The following UNC13C variants were observed in gnomAD, a reference collection of about 807,000 sequenced individuals.
The protein encoded by UNC13C is unc-13 homolog C.
Under a neutral mutation model 245.4 loss-of-function variants are expected in UNC13C, and 174 were observed. That is an observed-to-expected ratio of 0.71 (90% CI 0.63 to 0.80). The LOEUF (loss-of-function observed/expected upper bound fraction) is 0.80, where lower values mean the gene tolerates loss of function less well. UNC13C is among the 30% of genes least tolerant of loss of function. UNC13C has a pLI of 0.00. For missense variants in UNC13C, 2,829 were observed against 2,602.9 expected, an observed-to-expected ratio of 1.09 and a Z score of -1.89; for synonymous variants, 992 against 895.1, an observed-to-expected ratio of 1.11 and a Z score of -1.93.
intron 26 of UNC13C, among the ~76,000 whole-genome samples, chr15:54,545,521 A>G (rs1896445297): frequency 6.6e-6 from 1 of 152,206 alleles, no homozygotes; most frequent in South Asian, 2.1e-4. Flanking sequence ...AATCTACAGA[A>G]TGGGAGAAAA....
At chr15:54,255,244 G>T (rs1353941833) in intron 8 of UNC13C, among the ~76,000 whole-genome samples, 1 of 152,132 alleles carries the variant, frequency 6.6e-6, no homozygotes, top group African/African-American at 2.4e-5. Context: ...TGTATCCCAG[G>T]GTTCTTGCTT....
chr15:54,515,304 A>C (rs1276267780), intron 24 of UNC13C, among the ~76,000 whole-genome samples: 1 of 152,190 alleles, frequency 6.6e-6, no homozygotes, highest in Non-Finnish European at 1.5e-5. Context: ...TCCCTTTATA[A>C]CACAATAACA....
chr15:54,013,522 T>A lies in UNC13C; in HGVS notation c.619T>A (p.Trp207Arg). 1 of 1,613,866 alleles carries A rather than the reference T, an allele frequency of 6.2e-7. No homozygotes were observed. The highest frequency in any genetic ancestry group is 8.5e-7 in the Non-Finnish European group (1 of 1,179,842). Residue 207 changes from tryptophan to arginine, a missense_variant, in exon 2 of 33, where the codon TGG becomes AGG. Coordinates refer to ENST00000260323, the MANE Select transcript of UNC13C (RefSeq NM_001080534.3). Reference sequence around the variant, plus strand: ...AGAGTTAAGCACCATGAAAAAATCCTGGGGAATAAGAAGTAAGTCTTTGGA... The same window carrying A: ...AGAGTTAAGCACCATGAAAAAATCCAGGGGAATAAGAAGTAAGTCTTTGGA... ...DSELSTMKKS[W>R]GIRSKSLDRT...
intron 1 of UNC13C, among the ~76,000 whole-genome samples, chr15:53,982,076 A>G (rs1298699612): frequency 3.3e-5 from 5 of 152,152 alleles, no homozygotes; most frequent in Non-Finnish European, 5.9e-5. Context: ...TTGTACTCAG[A>G]GATTTCGAAG....
intron 23 of UNC13C, among the ~76,000 whole-genome samples, chr15:54,510,363 G>A (rs979955642): frequency 2.6e-5 from 4 of 152,050 alleles, no homozygotes; most frequent in Non-Finnish European, 5.9e-5. Flanking sequence ...GTGGATTTTG[G>A]TTCAAGATGC....
chr15:54,630,997 T>C (rs1444446900), downstream of UNC13C: 1 of 152,110 alleles, frequency 6.6e-6, no homozygotes, highest in Non-Finnish European at 1.5e-5. Flanking sequence ...AGCATATTTA[T>C]TAAAAAGTAT....
At chr15:53,874,173 G>A in the UNC13C span, among the ~76,000 whole-genome samples, 1 of 151,878 alleles carries the variant, frequency 6.6e-6, no homozygotes, top group Non-Finnish European at 1.5e-5. Context: ...ACAGGGTTTT[G>A]CCATGTTGTC....
At chr15:54,247,337 T>G (rs1047357190) in intron 7 of UNC13C, among the ~76,000 whole-genome samples, 1 of 152,166 alleles carries the variant, frequency 6.6e-6, no homozygotes, top group African/African-American at 2.4e-5. Context: ...CCTCTTATAG[T>G]CTTATTTCAT....
chr15:54,197,732 C>A (rs2141339095), intron 4 of UNC13C, among the ~76,000 whole-genome samples: 1 of 152,172 alleles, frequency 6.6e-6, no homozygotes, highest in Non-Finnish European at 1.5e-5. Context: ...AGCTCCTGCT[C>A]AGACAGAGAG....
At chr15:54,560,060 T>TA (rs961006319) in intron 29 of UNC13C, among the ~76,000 whole-genome samples, 2 of 151,866 alleles carry the variant, frequency 1.3e-5, no homozygotes, top group African/African-American at 4.8e-5. Flanking sequence ...AAATAATTTC[T>TA]AAAAAAAGAA....
At chr15:54,568,347 C>T (rs761321789) in intron 30 of UNC13C, among the ~76,000 whole-genome samples, 5 of 152,016 alleles carry the variant, frequency 3.3e-5, no homozygotes, top group African/African-American at 4.8e-5. Context: ...ATCCTAATTT[C>T]GAATGTAAAA....
intron 19 of UNC13C, among the ~76,000 whole-genome samples, chr15:54,488,600 A>G (rs2141077641): frequency 6.6e-6 from 1 of 152,314 alleles, no homozygotes; most frequent in Non-Finnish European, 1.5e-5. Context: ...CTATACAGAA[A>G]AAAACTCATG....
intron 19 of UNC13C, among the ~76,000 whole-genome samples, chr15:54,442,281 C>T (rs1301593087): frequency 7.7e-5 from 11 of 142,256 alleles, no homozygotes; most frequent in African/African-American, 2.9e-4. Context: ...GACAGGATCT[C>T]ACTCTGTTGC....
chr15:54,518,528 A>G (rs1033722389), intron 24 of UNC13C, among the ~76,000 whole-genome samples: 3 of 152,228 alleles, frequency 2.0e-5, no homozygotes, highest in African/African-American at 7.2e-5. Flanking sequence ...CTATTTCATT[A>G]TCTTGTTGTG....
At chr15:54,028,567 C>A (rs558757033) in intron 2 of UNC13C, among the ~76,000 whole-genome samples, 1 of 152,002 alleles carries the variant, frequency 6.6e-6, no homozygotes, top group African/African-American at 2.4e-5. Flanking sequence ...TCATCTCCTG[C>A]GAGGCAAGTG....
the UNC13C span, among the ~76,000 whole-genome samples, chr15:53,929,810 T>G: frequency 6.6e-6 from 1 of 152,224 alleles, no homozygotes. Context: ...CTCTTCATTC[T>G]TGAAACTTGT....
At position 54,038,122 on chromosome 15, in the gene UNC13C, A is replaced by AT. The variant is rs1355738786; in HGVS notation, c.2983+22237dup. On this transcript the variant is annotated intron_variant, in intron 2 of 32. Coordinates refer to ENST00000260323, the MANE Select transcript of UNC13C (RefSeq NM_001080534.3). ...TACATATATATATATATATATATATATATTTTTTTTTTTTTTTTCCTGAGA... is the reference window on the plus strand; with the variant it reads ...TACATATATATATATATATATATATATTATTTTTTTTTTTTTTTTCCTGAGA... 2.2e-3 allele frequency among the ~76,000 whole-genome samples: 110 copies of AT among 50,240 alleles called. 1 individual carries two copies. Among genetic ancestry groups the AT allele is most frequent in the South Asian group, 0.019 (18 of 940 alleles). The allele number at this position is 50,240 out of a possible 152,430, so 33.0% of individuals were successfully genotyped here.
the UNC13C span, chr15:53,947,572 A>G: frequency 0.33 from 50,285 of 152,020 alleles, 8,355 homozygotes; most frequent in Middle Eastern, 0.34. Flanking sequence ...GCCTCTGATC[A>G]CCTTGTACCT....
At chr15:54,478,948 G>T (rs949634514) in intron 19 of UNC13C, among the ~76,000 whole-genome samples, 1 of 152,052 alleles carries the variant, frequency 6.6e-6, no homozygotes, top group African/African-American at 2.4e-5. Context: ...GGGAGTCTAA[G>T]TCTCTTTGTA....
Sources: allele counts gnomAD v4.1 joint callset (sites outside exome capture counted in the v4.1 genomes callset), GRCh38; gene constraint gnomAD v4.1.1; transcripts MANE v1.5; gene names NCBI Gene and HGNC (gene_info 2026-07-23, HGNC 2026-07-21).